Variants in DGKB observed in about 807,000 individuals in gnomAD.
DGKB encodes the protein diacylglycerol kinase beta, also known as 90 kDa diacylglycerol kinase.
A neutral mutation model predicts 114.3 loss-of-function variants in DGKB; 67 were observed. The ratio of observed to expected loss-of-function variants is 0.59; its 90% CI spans 0.48 to 0.72. DGKB has a LOEUF of 0.72. DGKB is among the 30% of genes least tolerant of loss of function. The pLI, the probability that DGKB is intolerant of heterozygous loss-of-function variation, is 0.00. For missense variants in DGKB, 907 were observed against 975.2 expected (o/e 0.93, Z 0.93); for synonymous variants, 398 against 323.1 (o/e 1.23, Z -2.49).
At chr7:14,887,600 T>C (rs753005692) in intron 1 of DGKB, among the ~76,000 whole-genome samples, 2 of 151,776 alleles carry the variant, frequency 1.3e-5, no homozygotes, top group Non-Finnish European at 2.9e-5. Context: ...TTGGAGATCT[T>C]AGAGACATTT....
chr7:14,381,728 G>A (rs987679962), intron 21 of DGKB, among the ~76,000 whole-genome samples: 1 of 152,180 alleles, frequency 6.6e-6, no homozygotes, highest in Non-Finnish European at 1.5e-5. Context: ...ACCTGCCTCA[G>A]CTTCTCCAGT....
At chr7:14,396,098 T>C (rs1822172454) in intron 21 of DGKB, among the ~76,000 whole-genome samples, 1 of 152,040 alleles carries the variant, frequency 6.6e-6, no homozygotes, top group Non-Finnish European at 1.5e-5. Flanking sequence ...ACATGTTGGT[T>C]AGGATGAGAT....
chr7:14,585,276 T>C (rs369443463), intron 17 of DGKB, among the ~76,000 whole-genome samples: 14 of 152,298 alleles, frequency 9.2e-5, no homozygotes, highest in South Asian at 6.2e-4. Flanking sequence ...TAAACACATA[T>C]GTACCAGTTG....
At chr7:14,151,251 T>TG (rs1039518371) in intron 25 of DGKB, among the ~76,000 whole-genome samples, 7 of 152,076 alleles carry the variant, frequency 4.6e-5, no homozygotes, top group Admixed American at 3.3e-4. Context: ...TAGGGCATTT[T>TG]GGGAAATTAG....
intron 23 of DGKB, among the ~76,000 whole-genome samples, chr7:14,310,731 A>C (rs2128505348): frequency 6.6e-6 from 1 of 152,336 alleles, no homozygotes; most frequent in African/African-American, 2.4e-5. Flanking sequence ...ATGAAGTTGT[A>C]ATTTTCCCAG....
chr7:14,355,344 C>T (rs1398156117), intron 21 of DGKB, among the ~76,000 whole-genome samples: 1 of 152,192 alleles, frequency 6.6e-6, no homozygotes, highest in Non-Finnish European at 1.5e-5. Context: ...GAAGGCATCC[C>T]TGTCTTGTGC....
intron 12 of DGKB, among the ~76,000 whole-genome samples, chr7:14,676,904 T>A (rs1206433285): frequency 6.6e-6 from 1 of 152,070 alleles, no homozygotes; most frequent in Non-Finnish European, 1.5e-5. Flanking sequence ...ATCTTTGTAT[T>A]TTTTTCAAGC....
chr7:14,656,751 T>TACACACACACACACACACACAC lies in DGKB; in HGVS notation c.1134+16177_1134+16178insGTGTGTGTGTGTGTGTGTGTGT, dbSNP rs10623353. On this transcript the variant is annotated intron_variant, in intron 13 of 25. Coordinates refer to ENST00000402815, the MANE Select transcript of DGKB (RefSeq NM_001350709.2). ...ATATATACAGTATATATATAGGATA[T>TACACACACACACACACACACAC]ATACACACACACACACACACATATC... 5.7e-3 allele frequency among the ~76,000 whole-genome samples: 733 copies of TACACACACACACACACACACAC among 127,674 alleles called. 4 individuals are homozygous for TACACACACACACACACACACAC. The highest frequency in any genetic ancestry group is 0.012 in the South Asian group (53 of 4,314). The allele number at this position is 127,674 out of a possible 152,430, so 83.8% of individuals were successfully genotyped here.
At chr7:14,270,048 CAAAAAAAAAAAAA>C (rs397889901) in intron 23 of DGKB, among the ~76,000 whole-genome samples, 6 of 52,842 alleles carry the variant, frequency 1.1e-4, no homozygotes, top group South Asian at 1.8e-3. Flanking sequence ...GCTTTTTTTG[CAAAAAAAAAAAAA>C]AAAAAAAAAA....
chr7:14,480,302 G>C (rs1462856200), intron 20 of DGKB, among the ~76,000 whole-genome samples: 2 of 151,996 alleles, frequency 1.3e-5, no homozygotes, highest in Non-Finnish European at 1.5e-5. Context: ...GTTAAGAGGG[G>C]AAAAAATAAA....
chr7:14,540,426 A>G (rs1793235546), intron 20 of DGKB, among the ~76,000 whole-genome samples: 1 of 152,162 alleles, frequency 6.6e-6, no homozygotes, highest in African/African-American at 2.4e-5. Context: ...TTCATGGCCC[A>G]AATTGGCAGG....
At chr7:14,868,100 GT>G (rs1044893213) in intron 1 of DGKB, among the ~76,000 whole-genome samples, 23 of 152,098 alleles carry the variant, frequency 1.5e-4, no homozygotes, top group Non-Finnish European at 2.8e-4. Flanking sequence ...ATCAACATAT[GT>G]CCATGTAACT....
At chr7:14,304,217 C>A (rs1804082887) in intron 23 of DGKB, among the ~76,000 whole-genome samples, 1 of 151,968 alleles carries the variant, frequency 6.6e-6, no homozygotes, top group Non-Finnish European at 1.5e-5. Flanking sequence ...AAATTACTAC[C>A]TTTCAGATGG....
intron 23 of DGKB, among the ~76,000 whole-genome samples, chr7:14,181,752 A>G (rs1782664158): frequency 6.6e-6 from 1 of 152,174 alleles, no homozygotes; most frequent in African/African-American, 2.4e-5. Context: ...CTAGAGGAAG[A>G]CGTTGCTTTT....
chr7:14,287,394 TC>T (rs576185634), intron 23 of DGKB, among the ~76,000 whole-genome samples: 373 of 152,270 alleles, frequency 2.4e-3, no homozygotes, highest in Non-Finnish European at 4.2e-3. Flanking sequence ...TGCTACTTTT[TC>T]TTATATCTAG....
intron 23 of DGKB, among the ~76,000 whole-genome samples, chr7:14,241,971 C>T (rs1435016031): frequency 6.6e-6 from 1 of 150,790 alleles, no homozygotes; most frequent in Non-Finnish European, 1.5e-5. Context: ...CACACACACA[C>T]ACACACACAC....
chr7:14,558,668 C>G (rs1000488968), intron 20 of DGKB, among the ~76,000 whole-genome samples: 1 of 152,092 alleles, frequency 6.6e-6, no homozygotes, highest in South Asian at 2.1e-4. Context: ...GAAAATCCAC[C>G]AAGCCGCTAA....
chr7:14,769,729 T>G (rs934814070), intron 2 of DGKB, among the ~76,000 whole-genome samples: 3 of 152,000 alleles, frequency 2.0e-5, no homozygotes, highest in African/African-American at 7.2e-5. Context: ...AAGGCTCTCA[T>G]AGGAATTAGT....
intron 1 of DGKB, among the ~76,000 whole-genome samples, chr7:14,972,237 A>T (rs569097079): frequency 1.6e-4 from 25 of 152,284 alleles, no homozygotes; most frequent in African/African-American, 6.0e-4. Context: ...CATAAATACT[A>T]GTAAAAATCT....
Sources: allele counts gnomAD v4.1 joint callset (sites outside exome capture counted in the v4.1 genomes callset), GRCh38; gene constraint gnomAD v4.1.1; transcripts MANE v1.5; gene names NCBI Gene and HGNC (gene_info 2026-07-23, HGNC 2026-07-21).